KIFC2: variants seen among roughly 807,000 people sequenced by gnomAD.
The protein encoded by KIFC2 is kinesin family member C2.
KIFC2 carries 94 observed loss-of-function variants against 91.5 expected under a neutral mutation model. The observed-to-expected ratio is 1.03, with a 90% CI of 0.87 to 1.22. The LOEUF (loss-of-function observed/expected upper bound fraction) is 1.22. Among genes scored for constraint, KIFC2 ranks in the 50% most tolerant of loss-of-function variants. The pLI is 0.00. For missense variants in KIFC2, 1,357 were observed against 1,103.3 expected, an observed-to-expected ratio of 1.23 and a Z score of -3.26; for synonymous variants, 729 against 503.9, an observed-to-expected ratio of 1.45 and a Z score of -5.98.
In KIFC2 at chr8:144,472,782, C is replaced by T. The variant is rs1179896489; in HGVS notation, c.1862-13C>T. 1 of 1,591,446 alleles carries T rather than the reference C, an allele frequency of 6.3e-7. No homozygotes were observed. The highest frequency in any genetic ancestry group is 8.5e-7 in the Non-Finnish European group (1 of 1,176,908). ...CCGGCCTTCCCCCATGTCGGGCTCG[C>T]TCGCCCCTCTAGGCACGCTGCACCT... On this transcript the variant is annotated splice_polypyrimidine_tract_variant and intron_variant, in intron 16 of 17. Coordinates refer to ENST00000645548, the MANE Select transcript of KIFC2 (RefSeq NM_001369769.2).
In KIFC2 at chr8:144,474,047, A is replaced by AG; in HGVS notation, c.*661dup. 1.7e-6 allele frequency: 1 copy of AG among 590,490 alleles called. No homozygotes were observed. The highest frequency in any genetic ancestry group is 3.0e-6 in the Non-Finnish European group (1 of 333,672). 36.6% of individuals were successfully genotyped at this position (590,490 alleles called of 1,614,324 possible). On this transcript the variant is annotated 3_prime_UTR_variant, in exon 18 of 18. Coordinates refer to ENST00000645548, the MANE Select transcript of KIFC2 (RefSeq NM_001369769.2). ...GTAGGAAAAACAGGCATGACAGACC[A>AG]GGGTGAGGGTTGTGCCCAGCTGGGC...
Position 144,472,781 on chromosome 8 carries a change from G to A in KIFC2, c.1862-14G>A, listed in dbSNP as rs746337377. On this transcript the variant is annotated splice_polypyrimidine_tract_variant and intron_variant, in intron 16 of 17. Coordinates refer to ENST00000645548, the MANE Select transcript of KIFC2 (RefSeq NM_001369769.2). ...CCCGGCCTTCCCCCATGTCGGGCTCGCTCGCCCCTCTAGGCACGCTGCACC... is the reference window on the plus strand; with the variant it reads ...CCCGGCCTTCCCCCATGTCGGGCTCACTCGCCCCTCTAGGCACGCTGCACC... The A allele has an allele frequency of 8.2e-6, 13 of 1,591,122 alleles. No individual in the cohort carries two copies. The Admixed American group carries it at 2.0e-4, about 25-fold the overall frequency.
chr8:144,469,115 A>G (rs888646368), intron 10 of KIFC2, among the ~76,000 whole-genome samples, 156 bp from the exon 11 acceptor site: 3 of 152,144 alleles, frequency 2.0e-5, no homozygotes, highest in South Asian at 4.1e-4. Context: ...GGGTTACTCA[A>G]TGATGTCCCC....
Position 144,467,649 on chromosome 8 carries a change from G to A in KIFC2, c.615+19G>A, listed in dbSNP as rs1412219019. ...GGGACAGGTGAGGTCCCTGGAGCCA[G>A]AAGGGATTGCCGGCTGGGACGCCAG... On this transcript the variant is annotated intron_variant, in intron 5 of 17. Transcript: ENST00000645548. 8.7e-6 allele frequency: 14 copies of A among 1,604,296 alleles called. No individual in the cohort carries two copies. Among genetic ancestry groups the A allele is most frequent in the Admixed American group, 1.7e-5 (1 of 59,084 alleles).
rs757893890 is a variant in KIFC2 at position 144,471,938 on chromosome 8, G to A, written c.1381-4G>A. On this transcript the variant is annotated splice_polypyrimidine_tract_variant and splice_region_variant and intron_variant, in intron 12 of 17. Transcript: ENST00000645548. Reference sequence around the variant, plus strand: ...CTCAAAACACATTCTCCCGCCTCCCGCAGGTCTTCAGAGAGCTGGAACCTG... The same window carrying A: ...CTCAAAACACATTCTCCCGCCTCCCACAGGTCTTCAGAGAGCTGGAACCTG... 5.0e-6 allele frequency: 8 copies of A among 1,612,684 alleles called. No homozygotes were observed. In the African/African-American group the frequency reaches 5.3e-5, roughly 11 times the overall value.
intron 12 of KIFC2, 73 bp downstream of exon 12, chr8:144,469,720 C>T: frequency 3.3e-6 from 5 of 1,496,804 alleles, no homozygotes; most frequent in East Asian, 2.3e-5. Flanking sequence ...GCTCCAGTTT[C>T]CCCTTCCCAG....
In KIFC2 at chr8:144,473,755, C is replaced by T. The variant is rs1249466815; in HGVS notation, c.*366C>T. ...CATTAAAACGTTGCAAATTCCTTTACTGTTATCCCCCCCACCACCAGGACC... is the reference window on the plus strand; with the variant it reads ...CATTAAAACGTTGCAAATTCCTTTATTGTTATCCCCCCCACCACCAGGACC... On this transcript the variant is annotated 3_prime_UTR_variant, in exon 18 of 18. Coordinates refer to ENST00000645548, the MANE Select transcript of KIFC2 (RefSeq NM_001369769.2). 1.2e-5 allele frequency: 5 copies of T among 417,222 alleles called. No homozygotes were observed. In the South Asian group the frequency reaches 1.5e-4, roughly 12 times the overall value. The allele number at this position is 417,222 out of a possible 1,614,324, so 25.8% of individuals were successfully genotyped here. A position where few individuals can be genotyped will look rare whatever the true frequency, so the allele number is the denominator to read the frequency against.
rs1385055403 is a variant in KIFC2, at chr8:144,473,761, T to TC, written c.*379dup. The stretch of plus-strand genomic sequence containing the variant: ...AACGTTGCAAATTCCTTTACTGTTA[T>TC]CCCCCCCACCACCAGGACCATGTAG... On this transcript the variant is annotated 3_prime_UTR_variant, in exon 18 of 18. Coordinates refer to ENST00000645548, the MANE Select transcript of KIFC2 (RefSeq NM_001369769.2). 7.5e-5 allele frequency: 28 copies of TC among 373,344 alleles called. No individual in the cohort carries two copies. Among genetic ancestry groups the TC allele is most frequent in the Middle Eastern group, 1.4e-3 (2 of 1,472 alleles). 23.1% of individuals were successfully genotyped at this position (373,344 alleles called of 1,614,324 possible).
intron 12 of KIFC2, among the ~76,000 whole-genome samples, chr8:144,471,209 TGCCTTG>T (rs1232029269): frequency 6.6e-6 from 1 of 152,118 alleles, no homozygotes; most frequent in Non-Finnish European, 1.5e-5. Flanking sequence ...GTGATCTGCC[TGCCTTG>T]GCCTCCCAAA....
chr8:144,468,556 G>T lies in KIFC2; in HGVS notation c.909G>T (p.Gln303His), dbSNP rs1824788167. 2 of 1,593,448 alleles carry T rather than the reference G, an allele frequency of 1.3e-6. No homozygotes were observed. Among genetic ancestry groups the T allele is most frequent in the African/African-American group, 1.3e-5 (1 of 74,706 alleles). The change falls in exon 9 of 18, where the codon CAG becomes CAT. Residue 303 changes from glutamine to histidine, a missense_variant. By Grantham distance (24) the Gln-to-His change is conservative. Coordinates refer to ENST00000645548, the MANE Select transcript of KIFC2 (RefSeq NM_001369769.2). ...GGCAGCTGGGGGTGCAGGAGGTGCA[G>T]CTGCAGGGCCTTCAAGGGGCCCTCC... ...LRAQLGVQEV[Q>H]LQGLQGALQQ... is the part of the protein sequence containing the mutation.
chr8:144,466,860 C>A (rs1420890548), intron 2 of KIFC2, 22 bp downstream of exon 2: 7 of 1,536,722 alleles, frequency 4.6e-6, no homozygotes, highest in East Asian at 2.4e-5. Context: ...CTGGGAGTCC[C>A]GCGGTGCGAG....
rs760310893 is a variant in KIFC2 at position 144,472,898 on chromosome 8, G to A, written c.1965G>A (p.Glu655=). 1 of 1,516,932 alleles carries A rather than the reference G, an allele frequency of 6.6e-7. No individual in the cohort carries two copies. The allele number at this position is 1,516,932 out of a possible 1,614,324, so 94.0% of individuals were successfully genotyped here. ...GDPDGARRLR[E]AQTINRSLLA... The stretch of plus-strand genomic sequence containing the variant: ...CAGACGGCGCCCGGCGCCTGCGGGA[G>A]GCCCAGACCATAAACCGCTCGCTGC... Residue 655 remains glutamate, a synonymous_variant, in exon 17 of 18, where the codon GAG becomes GAA. Transcript: ENST00000645548.
chr8:144,467,161 C>T (rs1450162160), intron 3 of KIFC2, 42 bp from the exon 4 acceptor site: 8 of 1,612,940 alleles, frequency 5.0e-6, no homozygotes, highest in South Asian at 3.3e-5. Flanking sequence ...CCCGGCCTTC[C>T]TGGCTTTCAC....
At position 144,473,330 on chromosome 8, in the gene KIFC2, C is replaced by G. The variant is rs150989604; in HGVS notation, c.2317C>G (p.Pro773Ala). Residue 773 changes from proline (P) to alanine (A), a missense_variant, in exon 18 of 18, where the codon CCC (proline) becomes GCC (alanine). Transcript: ENST00000645548. ...PTPSPGSPPC[P>A]SPDNGSGSAL... ...GCCGTCCCCTGGCAGTCCTCCATGC[C>G]CCAGTCCCGACAACGGCTCGGGCTC... is the stretch of plus-strand genomic sequence containing the variant. The G allele has an allele frequency of 6.2e-6, 10 of 1,600,088 alleles. No homozygotes were observed. In the African/African-American group the frequency reaches 1.2e-4, roughly 19 times the overall value.
At chr8:144,467,389 C>G (rs1263527849) in intron 4 of KIFC2, 48 bp downstream of exon 4, 6 of 1,550,124 alleles carry the variant, frequency 3.9e-6, no homozygotes, top group South Asian at 1.2e-5. Flanking sequence ...GGGAGCAAAT[C>G]CCGGTAGAAC....
intron 12 of KIFC2, among the ~76,000 whole-genome samples, chr8:144,470,076 C>T (rs932059245): frequency 1.3e-5 from 2 of 152,260 alleles, no homozygotes; most frequent in Admixed American, 6.5e-5. Flanking sequence ...CCCAGCCCAC[C>T]CCACTTTCAC....
chr8:144,468,436 C>G (rs1564747767), intron 8 of KIFC2, 30 bp downstream of exon 8: 1 of 1,530,312 alleles, frequency 6.5e-7, no homozygotes. Flanking sequence ...ATCCATGGCT[C>G]AGGGGTGAGG....
In KIFC2 at chr8:144,467,831, G is replaced by A. The variant is rs370113110; in HGVS notation, c.682-28G>A. 5 of 1,613,388 alleles carry A rather than the reference G, an allele frequency of 3.1e-6. No homozygotes were observed. The African/African-American group carries it at 4.0e-5, about 13-fold the overall frequency. ...GCCGGGCATGGAGGGGGTGCTTCAG[G>A]TGAGTGCCGAGGTTTCCTCTCCACC... is the stretch of plus-strand genomic sequence containing the variant. On this transcript the variant is annotated intron_variant, in intron 6 of 17. Coordinates refer to ENST00000645548, the MANE Select transcript of KIFC2 (RefSeq NM_001369769.2).
rs917340532 is a variant in KIFC2, at chr8:144,473,595, C to G, written c.*206C>G. ...TGAAGTGATCACCCCCCGCCCCCAG[C>G]CCTGCATCAGGCCACAGGTCTTGGC... On this transcript the variant is annotated 3_prime_UTR_variant, in exon 18 of 18. Coordinates refer to ENST00000645548, the MANE Select transcript of KIFC2 (RefSeq NM_001369769.2). The G allele has an allele frequency of 2.8e-6, 2 of 707,392 alleles. No homozygotes were observed. The highest frequency in any genetic ancestry group is 4.3e-6 in the Non-Finnish European group (2 of 463,600). The allele number at this position is 707,392 out of a possible 1,614,324, so 43.8% of individuals were successfully genotyped here.
Sources: gnomAD v4.1 joint callset for allele counts (sites outside exome capture counted in the v4.1 genomes callset) on GRCh38, gnomAD v4.1.1 for gene constraint, MANE v1.5 for transcripts, NCBI Gene and HGNC (gene_info 2026-07-23, HGNC 2026-07-21) for gene names.